EIPR1: variants seen among roughly 807,000 people sequenced by gnomAD.
EIPR1 encodes EARP complex and GARP complex interacting protein 1, also known as EARP and GARP complex-interacting protein 1.
EIPR1 carries 25 observed loss-of-function variants against 48.1 expected under a neutral mutation model. The ratio of observed to expected loss-of-function variants is 0.52; its 90% CI spans 0.38 to 0.73. The LOEUF is 0.73. Ranked by LOEUF, EIPR1 falls within the 30% of genes least tolerant of loss-of-function variation. The probability of loss-of-function intolerance (pLI) is 0.00; values close to 1 mark genes in which losing one functional copy is unlikely to be tolerated. For missense variants in EIPR1, 415 were observed against 506.2 expected, an observed-to-expected ratio of 0.82 and a Z score of 1.73; for synonymous variants, 204 against 201.9, an observed-to-expected ratio of 1.01 and a Z score of -0.09.
At chr2:3,342,825 G>C (rs1295933449) in intron 2 of EIPR1, among the ~76,000 whole-genome samples, 2 of 152,224 alleles carry the variant, frequency 1.3e-5, no homozygotes, top group Non-Finnish European at 2.9e-5. Context: ...TGAGTCTTGA[G>C]ATTTTCCCAC....
At position 3,275,505 on chromosome 2, in the gene EIPR1, C is replaced by T. The variant is rs1200669939; in HGVS notation, c.260-18050G>A. Among the ~76,000 whole-genome samples the T allele has an allele frequency of 2.6e-5, 4 of 152,130 alleles. No homozygotes were observed. In the East Asian group the frequency reaches 7.7e-4, roughly 29 times the overall value. On this transcript the variant is annotated intron_variant, in intron 3 of 8. Coordinates refer to ENST00000382125, the MANE Select transcript of EIPR1 (RefSeq NM_003310.5). ...ATAGCAAGGTTATAAAAGATTCAAACACAACATAATTTTTTTCTCAAGTGT... is the reference window on the plus strand; with the variant it reads ...ATAGCAAGGTTATAAAAGATTCAAATACAACATAATTTTTTTCTCAAGTGT...
chr2:3,369,596 C>A (rs867537503), intron 1 of EIPR1, among the ~76,000 whole-genome samples: 4 of 152,234 alleles, frequency 2.6e-5, no homozygotes, highest in Admixed American at 1.3e-4. Flanking sequence ...CCACACCTGG[C>A]TCGGAGGGTC....
chr2:3,350,753 G>A (rs996226655), intron 2 of EIPR1, among the ~76,000 whole-genome samples: 2 of 151,936 alleles, frequency 1.3e-5, no homozygotes, highest in African/African-American at 4.8e-5. Context: ...CCTACCATAC[G>A]GATTCACACA....
intron 2 of EIPR1, among the ~76,000 whole-genome samples, chr2:3,351,347 C>T (rs1006164507): frequency 1.3e-5 from 2 of 152,200 alleles, no homozygotes; most frequent in Non-Finnish European, 2.9e-5. Context: ...AATGGTTCTT[C>T]ATTAATGTCA....
chr2:3,268,620 A>G (rs989523198), intron 3 of EIPR1, among the ~76,000 whole-genome samples: 3 of 152,088 alleles, frequency 2.0e-5, no homozygotes, highest in Non-Finnish European at 4.4e-5. Context: ...GCCCAGACCA[A>G]TACAGCCTGA....
At chr2:3,269,293 T>TC (rs1331863666) in intron 3 of EIPR1, among the ~76,000 whole-genome samples, 9 of 86,972 alleles carry the variant, frequency 1.0e-4, no homozygotes, top group Middle Eastern at 7.2e-3. Flanking sequence ...CACTCAGTCA[T>TC]GGCACTCAGT....
At chr2:3,202,239 G>A (rs910598768) in intron 5 of EIPR1, among the ~76,000 whole-genome samples, 3 of 152,212 alleles carry the variant, frequency 2.0e-5, no homozygotes, top group Non-Finnish European at 4.4e-5. Context: ...ACCCGGCCTA[G>A]GTTCAATGTC....
chr2:3,214,409 C>T (rs1385729730), intron 4 of EIPR1, 161 bp from the exon 5 acceptor site: 2 of 603,200 alleles, frequency 3.3e-6, no homozygotes, highest in Non-Finnish European at 5.8e-6. Flanking sequence ...CCTGACAACA[C>T]TGTTGTTGTC....
At position 3,306,378 on chromosome 2, in the gene EIPR1, A is replaced by G. The variant is rs562685922; in HGVS notation, c.259+31639T>C. On this transcript the variant is annotated intron_variant, in intron 3 of 8. Transcript: ENST00000382125. ...TCCCTGGTCACTCGTTTTTGGTGAT[A>G]TCATATATTACTTTTTGTCATAAGA... Among the ~76,000 whole-genome samples the G allele has an allele frequency of 7.9e-5, 12 of 152,190 alleles. 1 individual carries two copies. The highest frequency in any genetic ancestry group is 1.8e-4 in the Non-Finnish European group (12 of 68,054).
intron 2 of EIPR1, among the ~76,000 whole-genome samples, chr2:3,339,688 C>CA (rs1480664234): frequency 6.6e-6 from 1 of 152,140 alleles, no homozygotes. Context: ...GTGGCTCACG[C>CA]CTGTAATTGT....
intron 3 of EIPR1, among the ~76,000 whole-genome samples, chr2:3,307,528 C>T (rs901584746): frequency 6.6e-6 from 1 of 152,218 alleles, no homozygotes; most frequent in African/African-American, 2.4e-5. Context: ...GCAGGAGCAG[C>T]ACCAGGCAGC....
chr2:3,314,369 A>G (rs962668545), intron 3 of EIPR1, among the ~76,000 whole-genome samples: 1 of 152,138 alleles, frequency 6.6e-6, no homozygotes, highest in Non-Finnish European at 1.5e-5. Flanking sequence ...TCACAGTCCT[A>G]ATTTATCAAT....
intron 3 of EIPR1, among the ~76,000 whole-genome samples, chr2:3,276,624 T>C (rs929529794): frequency 6.6e-6 from 1 of 152,196 alleles, no homozygotes; most frequent in African/African-American, 2.4e-5. Flanking sequence ...CCAGCTCAAG[T>C]CCACTACCTC....
intron 3 of EIPR1, among the ~76,000 whole-genome samples, chr2:3,287,052 G>A (rs1298028647): frequency 1.3e-5 from 2 of 150,904 alleles, no homozygotes; most frequent in Non-Finnish European, 3.0e-5. Context: ...GGCGGCGGTG[G>A]GGAGCACACA....
At chr2:3,342,056 T>C (rs1021453127) in intron 2 of EIPR1, among the ~76,000 whole-genome samples, 1 of 152,232 alleles carries the variant, frequency 6.6e-6, no homozygotes, top group African/African-American at 2.4e-5. Flanking sequence ...AATTCTTTTA[T>C]GTTTGTTATA....
chr2:3,319,849 C>T (rs1476522842), intron 3 of EIPR1: 2 of 131,536 alleles, frequency 1.5e-5, no homozygotes, highest in Non-Finnish European at 3.2e-5. Context: ...CACCTGTGGG[C>T]AACACCACCC....
chr2:3,274,959 T>C (rs1181950249), intron 3 of EIPR1, among the ~76,000 whole-genome samples: 1 of 151,814 alleles, frequency 6.6e-6, no homozygotes, highest in Non-Finnish European at 1.5e-5. Context: ...AAAAACAAGA[T>C]TCAAAATCAT....
chr2:3,318,114 A>G (rs1249554633), intron 3 of EIPR1, among the ~76,000 whole-genome samples: 1 of 152,220 alleles, frequency 6.6e-6, no homozygotes, highest in Non-Finnish European at 1.5e-5. Context: ...TGCACCTCCA[A>G]GTGGAACCGC....
intron 2 of EIPR1, among the ~76,000 whole-genome samples, chr2:3,347,325 G>A (rs1298772257): frequency 6.6e-6 from 1 of 152,216 alleles, no homozygotes; most frequent in African/African-American, 2.4e-5. Context: ...ATTCCCATGT[G>A]TTGTGGGACG....
Sources: allele counts gnomAD v4.1 joint callset (sites outside exome capture counted in the v4.1 genomes callset), GRCh38; gene constraint gnomAD v4.1.1; transcripts MANE v1.5; gene names NCBI Gene and HGNC (gene_info 2026-07-23, HGNC 2026-07-21).